Variants in EMSY observed in about 807,000 individuals in gnomAD.
EMSY encodes the protein BRCA2-interacting transcriptional repressor EMSY.
Under a neutral mutation model 134.6 loss-of-function variants are expected in EMSY, and 26 were observed. The observed-to-expected ratio is 0.19, with a 90% CI of 0.14 to 0.27. The LOEUF (loss-of-function observed/expected upper bound fraction) is 0.27, where lower values mean the gene tolerates loss of function less well. Among genes scored for constraint, EMSY ranks in the 10% least tolerant of loss-of-function variants. The probability of loss-of-function intolerance (pLI) is 1.00; values close to 1 mark genes in which losing one functional copy is unlikely to be tolerated. For synonymous variants in EMSY, 579 were observed against 577.8 expected (o/e 1.00, Z -0.03); for missense variants, 1,305 against 1,611.4 (o/e 0.81, Z 3.26).
At chr11:76,528,185 A>G (rs1020032756) in intron 13 of EMSY, 83 bp from the exon 15 acceptor site, 17 of 1,212,468 alleles carry the variant, frequency 1.4e-5, no homozygotes, top group Non-Finnish European at 2.0e-5. Flanking sequence ...TACCAGGAAA[A>G]TATTAGTTTA....
In EMSY at chr11:76,546,317, T is replaced by G; in HGVS notation, c.3774+20T>G. On this transcript the variant is annotated intron_variant, in intron 20 of 20. Transcript: ENST00000334736. Reference sequence around the variant, plus strand: ...ATCCAGGTAAGAATTGGAAGGAAAATGAGAAATCTTGTGCATCTTGGGGGT... The same window carrying G: ...ATCCAGGTAAGAATTGGAAGGAAAAGGAGAAATCTTGTGCATCTTGGGGGT... The G allele has an allele frequency of 6.3e-7, 1 of 1,588,938 alleles. No individual in the cohort carries two copies. The highest frequency in any genetic ancestry group is 8.6e-7 in the Non-Finnish European group (1 of 1,168,280).
chr11:76,460,193 G>A, intron 6 of EMSY, 108 bp downstream of exon 7: 1 of 1,305,280 alleles, frequency 7.7e-7, no homozygotes, highest in Non-Finnish European at 1.1e-6. Flanking sequence ...CTAGCTGTTA[G>A]TAGGTTAGTT....
chr11:76,496,784 T>A (rs1370120582), intron 9 of EMSY: 2 of 368,126 alleles, frequency 5.4e-6, no homozygotes, highest in Non-Finnish European at 1.0e-5. Context: ...CTCAGAGTAT[T>A]TACATAGATT....
At chr11:76,495,742 GAT>G (rs1220294163) in intron 8 of EMSY, among the ~76,000 whole-genome samples, 3 of 152,058 alleles carry the variant, frequency 2.0e-5, no homozygotes, top group Non-Finnish European at 4.4e-5. Flanking sequence ...TTGTTCAAAA[GAT>G]GAATGTGAGT....
At chr11:76,517,694 A>T (rs910581270) in intron 11 of EMSY, among the ~76,000 whole-genome samples, 1 of 152,200 alleles carries the variant, frequency 6.6e-6, no homozygotes, top group African/African-American at 2.4e-5. Flanking sequence ...TGAAATTTAT[A>T]TATCTTATAC....
At chr11:76,459,831 C>A in intron 5 of EMSY, 102 bp from the exon 7 acceptor site, 1 of 1,358,352 alleles carries the variant, frequency 7.4e-7, no homozygotes, top group African/African-American at 1.4e-5. Flanking sequence ...GACTTCTGAT[C>A]ACATGAAAAT....
intron 14 of EMSY, among the ~76,000 whole-genome samples, chr11:76,530,404 A>G (rs981968787): frequency 6.6e-6 from 1 of 151,494 alleles, no homozygotes; most frequent in South Asian, 2.1e-4. Context: ...CAAGTAATCC[A>G]CCCGCCTCGG....
intron 7 of EMSY, among the ~76,000 whole-genome samples, chr11:76,468,860 TCC>T (rs1169270305): frequency 6.6e-6 from 1 of 152,114 alleles, no homozygotes; most frequent in African/African-American, 2.4e-5. Flanking sequence ...AGGGTGCAAG[TCC>T]CAGCACTCTT....
chr11:76,538,223 A>G (rs550584372), intron 16 of EMSY, among the ~76,000 whole-genome samples: 2 of 152,116 alleles, frequency 1.3e-5, no homozygotes, highest in Non-Finnish European at 2.9e-5. Context: ...AGAGGATAAA[A>G]TATCTTTTGT....
At chr11:76,483,019 A>G (rs190973477) in intron 8 of EMSY, among the ~76,000 whole-genome samples, 1 of 152,372 alleles carries the variant, frequency 6.6e-6, no homozygotes, top group African/African-American at 2.4e-5. Flanking sequence ...AGGGTTACCC[A>G]CAAAGGGAAG....
intron 9 of EMSY, among the ~76,000 whole-genome samples, chr11:76,505,584 A>C (rs896781358): frequency 4.0e-5 from 6 of 148,436 alleles, no homozygotes; most frequent in African/African-American, 1.5e-4. Flanking sequence ...GCGGCTGGGC[A>C]CAGTGGCTCA....
At chr11:76,462,456 A>G (rs1948163673) in intron 6 of EMSY, among the ~76,000 whole-genome samples, 1 of 152,248 alleles carries the variant, frequency 6.6e-6, no homozygotes, top group African/African-American at 2.4e-5. Context: ...AGACTTAGTC[A>G]TTACCCTCTG....
chr11:76,551,867 G>A (rs569240972), downstream of EMSY: 10 of 152,196 alleles, frequency 6.6e-5, no homozygotes, highest in African/African-American at 1.7e-4. Context: ...TAAGCCCTCT[G>A]TTATGATCAA....
chr11:76,545,425 A>G (rs969750704), intron 19 of EMSY, among the ~76,000 whole-genome samples: 2 of 152,164 alleles, frequency 1.3e-5, no homozygotes, highest in Non-Finnish European at 2.9e-5. Context: ...TTATGAAGCA[A>G]AAGATTGGAA....
At chr11:76,510,484 C>A (rs966011616) in intron 9 of EMSY, among the ~76,000 whole-genome samples, 1 of 152,070 alleles carries the variant, frequency 6.6e-6, no homozygotes, top group African/African-American at 2.4e-5. Context: ...TCTGACAGAC[C>A]CCTGCTTTAC....
chr11:76,491,143 T>G (rs575967036), intron 8 of EMSY, among the ~76,000 whole-genome samples: 1 of 152,008 alleles, frequency 6.6e-6, no homozygotes, highest in African/African-American at 2.4e-5. Context: ...CTGCATACTC[T>G]TACCTCAGCT....
At chr11:76,552,942 G>A (rs1486013629), downstream of EMSY, 1 of 152,128 alleles carries the variant, frequency 6.6e-6, no homozygotes, top group Admixed American at 6.5e-5. Flanking sequence ...GTATTTTCAA[G>A]GTTCATCCGT....
chr11:76,490,440 C>T (rs149716782), intron 8 of EMSY, among the ~76,000 whole-genome samples: 33 of 152,208 alleles, frequency 2.2e-4, no homozygotes, highest in African/African-American at 3.9e-4. Context: ...TGACGAGAGG[C>T]GGAAAAATTA....
At chr11:76,515,072 G>GT (rs200970007) in intron 10 of EMSY, among the ~76,000 whole-genome samples, 3,359 of 128,732 alleles carry the variant, frequency 0.026, 38 homozygotes, top group South Asian at 0.055. Flanking sequence ...AGTTTTGTGG[G>GT]TTTTTTTTTT....
Sources: gnomAD v4.1 joint callset for allele counts (sites outside exome capture counted in the v4.1 genomes callset) on GRCh38, gnomAD v4.1.1 for gene constraint, MANE v1.5 for transcripts, NCBI Gene and HGNC (gene_info 2026-07-23, HGNC 2026-07-21) for gene names.